SLC39A10: variants seen among roughly 807,000 people sequenced by gnomAD.
The protein encoded by SLC39A10 is zinc transporter ZIP10.
A neutral mutation model predicts 65.1 loss-of-function variants in SLC39A10; 13 were observed. That is an observed-to-expected ratio of 0.20 (90% CI 0.13 to 0.32). The LOEUF (loss-of-function observed/expected upper bound fraction) is 0.32. Among genes scored for constraint, SLC39A10 ranks in the 10% least tolerant of loss-of-function variants. SLC39A10 has a pLI of 1.00. For synonymous variants in SLC39A10, 321 were observed against 342.2 expected, an observed-to-expected ratio of 0.94 and a Z score of 0.68; for missense variants, 831 against 1,018.4, an observed-to-expected ratio of 0.82 and a Z score of 2.50.
intron 3 of SLC39A10, among the ~76,000 whole-genome samples, chr2:195,698,710 G>GT (rs924559288): frequency 1.1e-4 from 16 of 148,614 alleles, no homozygotes; most frequent in South Asian, 2.1e-4. Flanking sequence ...TTATTTGCTA[G>GT]TTTTTTTTTT....
intron 3 of SLC39A10, among the ~76,000 whole-genome samples, chr2:195,688,504 G>A (rs13029941): frequency 0.46 from 69,548 of 151,980 alleles, 17,157 homozygotes; most frequent in Non-Finnish European, 0.57. Flanking sequence ...GTTGTTAGAA[G>A]AATGAACTAT....
At chr2:195,672,378 C>T (rs906893567) in intron 1 of SLC39A10, among the ~76,000 whole-genome samples, 2 of 152,108 alleles carry the variant, frequency 1.3e-5, no homozygotes, top group African/African-American at 4.8e-5. Flanking sequence ...CATCCTCCTG[C>T]CTTGGCCTCC....
chr2:195,615,639 C>A (rs1226649754), intron 2 of SLC39A10, among the ~76,000 whole-genome samples: 1 of 152,124 alleles, frequency 6.6e-6, no homozygotes, highest in Non-Finnish European at 1.5e-5. Flanking sequence ...CATTTATCTC[C>A]GTTTCCTCTT....
At chr2:195,646,285 C>A (rs927355843) in intron 2 of SLC39A10, among the ~76,000 whole-genome samples, 1 of 152,078 alleles carries the variant, frequency 6.6e-6, no homozygotes, top group Non-Finnish European at 1.5e-5. Flanking sequence ...TAAGCGTACC[C>A]TGATGTGCCC....
chr2:195,623,802 G>A (rs186810494), intron 2 of SLC39A10, among the ~76,000 whole-genome samples: 1 of 151,972 alleles, frequency 6.6e-6, no homozygotes, highest in East Asian at 1.9e-4. Flanking sequence ...TGAAAACACT[G>A]TGAATATGCT....
chr2:195,647,860 T>C (rs1015421304), intron 2 of SLC39A10, among the ~76,000 whole-genome samples: 1 of 152,202 alleles, frequency 6.6e-6, no homozygotes, highest in Non-Finnish European at 1.5e-5. Context: ...GCACAAACTT[T>C]TGCTTAAAGA....
intron 3 of SLC39A10, among the ~76,000 whole-genome samples, chr2:195,685,410 T>C (rs965955339): frequency 6.6e-6 from 1 of 152,204 alleles, no homozygotes; most frequent in Non-Finnish European, 1.5e-5. Context: ...TTTAGGAAAC[T>C]GCATCATGCT....
intron 3 of SLC39A10, among the ~76,000 whole-genome samples, chr2:195,696,347 G>A (rs900957796): frequency 1.3e-5 from 2 of 149,190 alleles, no homozygotes; most frequent in East Asian, 3.9e-4. Flanking sequence ...CTATCATTAG[G>A]ATTTTAATAG....
At chr2:195,618,384 A>C (rs1473406766) in intron 2 of SLC39A10, among the ~76,000 whole-genome samples, 3 of 151,986 alleles carry the variant, frequency 2.0e-5, no homozygotes, top group Non-Finnish European at 4.4e-5. Context: ...AGAAAAAGTT[A>C]ACTGACAGTA....
At chr2:195,638,021 A>G (rs1016044619) in intron 2 of SLC39A10, among the ~76,000 whole-genome samples, 2 of 152,230 alleles carry the variant, frequency 1.3e-5, no homozygotes, top group African/African-American at 4.8e-5. Context: ...TAGAGAAGAT[A>G]TTATCAAAGA....
intron 2 of SLC39A10, among the ~76,000 whole-genome samples, chr2:195,646,949 G>A (rs1688932783): frequency 6.6e-6 from 1 of 152,062 alleles, no homozygotes; most frequent in Non-Finnish European, 1.5e-5. Context: ...AAAAAGGTTG[G>A]GGGACTGCTG....
At chr2:195,673,074 AT>A (rs1689931902) in intron 1 of SLC39A10, among the ~76,000 whole-genome samples, 1 of 152,224 alleles carries the variant, frequency 6.6e-6, no homozygotes, top group South Asian at 2.1e-4. Context: ...CTGCTTTGGA[AT>A]TGTTTTATAG....
At chr2:195,699,693 C>T (rs1318679144) in intron 3 of SLC39A10, among the ~76,000 whole-genome samples, 1 of 152,018 alleles carries the variant, frequency 6.6e-6, no homozygotes, top group East Asian at 1.9e-4. Context: ...AATTTGCGAC[C>T]TAATACATGG....
At position 195,697,503 on chromosome 2, in the gene SLC39A10, T is replaced by C. The variant is rs541623722; in HGVS notation, c.1217-9113T>C. Among the ~76,000 whole-genome samples the C allele has an allele frequency of 2.6e-5, 4 of 152,274 alleles. No individual in the cohort carries two copies. In the East Asian group the frequency reaches 5.8e-4, roughly 22 times the overall value. On this transcript the variant is annotated intron_variant, in intron 3 of 9. Transcript: ENST00000359634. ...TTGTTATATAGGTAAATTTGTGTCA[T>C]AGGATTTTGTTGTACAGATTAGTCA... is the stretch of plus-strand genomic sequence containing the variant.
At chr2:195,682,659 G>T (rs1690370023) in intron 2 of SLC39A10, among the ~76,000 whole-genome samples, 1 of 151,746 alleles carries the variant, frequency 6.6e-6, no homozygotes, top group South Asian at 2.1e-4. Flanking sequence ...AGATTTTATT[G>T]TTCATTTCCT....
intron 2 of SLC39A10, among the ~76,000 whole-genome samples, chr2:195,649,403 A>G (rs576678935): frequency 6.6e-6 from 1 of 152,376 alleles, no homozygotes; most frequent in Non-Finnish European, 1.5e-5. Flanking sequence ...AAAGGTAAGC[A>G]GTATTTGCTA....
intron 9 of SLC39A10, among the ~76,000 whole-genome samples, chr2:195,731,422 C>T (rs561293747): frequency 9.2e-5 from 14 of 152,266 alleles, no homozygotes; most frequent in African/African-American, 1.4e-4. Flanking sequence ...CTCCTTTGTA[C>T]GTGTATCTCA....
chr2:195,661,854 A>G lies in SLC39A10; in HGVS notation c.-12+4573A>G, dbSNP rs555420991. Among the ~76,000 whole-genome samples the G allele has an allele frequency of 2.6e-5, 4 of 152,352 alleles. No individual in the cohort carries two copies. In the East Asian group the frequency reaches 7.7e-4, roughly 29 times the overall value. On this transcript the variant is annotated intron_variant, in intron 1 of 9. Transcript: ENST00000359634. ...GGTAGTGTTTATTTTCACAATCTAA[A>G]AGTAAATATTTTGTCATAACCTTTT...
intron 2 of SLC39A10, among the ~76,000 whole-genome samples, chr2:195,630,190 T>A (rs545432714): frequency 4.7e-5 from 7 of 148,614 alleles, no homozygotes; most frequent in African/African-American, 1.7e-4. Context: ...TTTAATAAAC[T>A]GAGACAAACT....
Sources: allele counts gnomAD v4.1 joint callset (sites outside exome capture counted in the v4.1 genomes callset), GRCh38; gene constraint gnomAD v4.1.1; transcripts MANE v1.5; gene names NCBI Gene and HGNC (gene_info 2026-07-23, HGNC 2026-07-21).